IBTK: variants seen among roughly 807,000 people sequenced by gnomAD.
IBTK encodes BTK-binding protein.
A neutral mutation model predicts 154.9 loss-of-function variants in IBTK; 83 were observed. That is an observed-to-expected ratio of 0.54 (90% CI 0.45 to 0.64). The LOEUF is 0.64. Among genes scored for constraint, IBTK ranks in the 30% least tolerant of loss-of-function variants. The pLI, the probability that IBTK is intolerant of heterozygous loss-of-function variation, is 0.00. For synonymous variants in IBTK, 515 were observed against 536.1 expected (o/e 0.96, Z 0.54); for missense variants, 1,332 against 1,584.6 (o/e 0.84, Z 2.71).
intron 16 of IBTK, among the ~76,000 whole-genome samples, chr6:82,209,297 T>C (rs9344258): frequency 0.41 from 62,418 of 151,974 alleles, 13,517 homozygotes; most frequent in East Asian, 0.74. Context: ...TGATTCCTAA[T>C]AGACAAGAGG....
chr6:82,247,496 TCCC>T (rs1771201343), intron 1 of IBTK, 63 bp downstream of exon 1: 1 of 397,594 alleles, frequency 2.5e-6, no homozygotes, highest in Admixed American at 4.4e-5. Context: ...GCGAATACTC[TCCC>T]CCTGCCCCCG....
intron 26 of IBTK, among the ~76,000 whole-genome samples, chr6:82,176,871 G>A (rs1235831529): frequency 6.6e-6 from 1 of 152,004 alleles, no homozygotes; most frequent in Non-Finnish European, 1.5e-5. Flanking sequence ...GATTTCCTCT[G>A]TTTATACTGC....
At chr6:82,243,172 C>T (rs1771019092) in intron 1 of IBTK, among the ~76,000 whole-genome samples, 1 of 143,294 alleles carries the variant, frequency 7.0e-6, no homozygotes, top group East Asian at 2.1e-4. Flanking sequence ...ACCTGGGAGG[C>T]GGAGCTTGCA....
chr6:82,174,431 G>A (rs1379117063), intron 26 of IBTK, among the ~76,000 whole-genome samples: 3 of 152,128 alleles, frequency 2.0e-5, no homozygotes, highest in Non-Finnish European at 4.4e-5. Flanking sequence ...TGGCTTCACT[G>A]AGGAAATGAC....
At chr6:82,228,847 T>A (rs1339279723) in intron 4 of IBTK, among the ~76,000 whole-genome samples, 4 of 152,022 alleles carry the variant, frequency 2.6e-5, no homozygotes, top group African/African-American at 7.3e-5. Context: ...GGTCTCGATC[T>A]CCTGACCTCG....
intron 16 of IBTK, among the ~76,000 whole-genome samples, chr6:82,209,175 G>A (rs546171280): frequency 6.6e-6 from 1 of 152,272 alleles, no homozygotes; most frequent in South Asian, 2.1e-4. Context: ...CAGTTCGGCA[G>A]TTCCTAAAAA....
In IBTK at chr6:82,217,956, T is replaced by A. The variant is rs570296056; in HGVS notation, c.1426+4A>T. 2 of 1,580,954 alleles carry A rather than the reference T, an allele frequency of 1.3e-6. No individual in the cohort carries two copies. The highest frequency in any genetic ancestry group is 1.7e-6 in the Non-Finnish European group (2 of 1,164,092). On this transcript the variant is annotated splice_donor_region_variant and intron_variant, in intron 10 of 28. Transcript: ENST00000306270. ...TTTACGTATTGTTCAATATATGAACTGACCTTTCTTTTCAGAACTCTTTCT... is the reference window on the plus strand; with the variant it reads ...TTTACGTATTGTTCAATATATGAACAGACCTTTCTTTTCAGAACTCTTTCT...
At chr6:82,191,591 C>G in intron 24 of IBTK, 196 bp downstream of exon 24, 1 of 656,184 alleles carries the variant, frequency 1.5e-6, no homozygotes. Flanking sequence ...TCTACAAGAG[C>G]TGGATTATCA....
At position 82,214,092 on chromosome 6, in the gene IBTK, A is replaced by T. The variant is rs948110637; in HGVS notation, c.2204+135T>A. 6.7e-6 allele frequency: 5 copies of T among 746,880 alleles called. No individual in the cohort carries two copies. In the African/African-American group the frequency reaches 8.9e-5, roughly 13 times the overall value. The allele number at this position is 746,880 out of a possible 1,614,324, so 46.3% of individuals were successfully genotyped here. A position where few individuals can be genotyped will look rare whatever the true frequency, so the allele number is the denominator to read the frequency against. Reference sequence around the variant, plus strand: ...TGCCTCAGCCTCCTGAGTAGCTGGGACTACAGGCGCCCGCCACCACACCCG... The same window carrying T: ...TGCCTCAGCCTCCTGAGTAGCTGGGTCTACAGGCGCCCGCCACCACACCCG... On this transcript the variant is annotated intron_variant, in intron 12 of 28. Coordinates refer to ENST00000306270, the MANE Select transcript of IBTK (RefSeq NM_015525.4).
At chr6:82,182,565 A>G (rs985531288) in intron 25 of IBTK, among the ~76,000 whole-genome samples, 1 of 152,222 alleles carries the variant, frequency 6.6e-6, no homozygotes, top group Admixed American at 6.5e-5. Flanking sequence ...AGAAATAAAG[A>G]AGAGAGATAC....
chr6:82,215,050 T>A (rs9361902), intron 11 of IBTK, among the ~76,000 whole-genome samples: 2 of 151,848 alleles, frequency 1.3e-5, no homozygotes, highest in African/African-American at 4.8e-5. Context: ...TATTCTTCTC[T>A]CAAATTAAAA....
Position 82,240,448 on chromosome 6 carries a change from T to A in IBTK, c.39A>T (p.Arg13=). The A allele has an allele frequency of 6.2e-7, 1 of 1,613,966 alleles. No individual in the cohort carries two copies. Among genetic ancestry groups the A allele is most frequent in the Non-Finnish European group, 8.5e-7 (1 of 1,180,016 alleles). ...SPMPDCTSKC[R]SLKHALDVLS... ...GGACATCCAAAGCATGCTTCAGGGATCGACACTTTGATGTGCAGTCAGGCA... is the reference window on the plus strand; with the variant it reads ...GGACATCCAAAGCATGCTTCAGGGAACGACACTTTGATGTGCAGTCAGGCA... Residue 13 remains arginine (R), a synonymous_variant, in exon 2 of 29, where the codon CGA becomes CGT. Transcript: ENST00000306270.
In IBTK at chr6:82,203,259, A is replaced by G. The variant is rs1769279549; in HGVS notation, c.2612-614T>C. Among the ~76,000 whole-genome samples the G allele has an allele frequency of 2.0e-5, 3 of 152,134 alleles. No homozygotes were observed. The South Asian group carries it at 6.2e-4, about 31-fold the overall frequency. On this transcript the variant is annotated intron_variant, in intron 17 of 28. Coordinates refer to ENST00000306270, the MANE Select transcript of IBTK (RefSeq NM_015525.4). ...AGATTCTGGATTTAGTTACAATTGTAGTAACATTATATATAAAGTACCCAT... is the reference window on the plus strand; with the variant it reads ...AGATTCTGGATTTAGTTACAATTGTGGTAACATTATATATAAAGTACCCAT...
rs1270219296 is a variant in IBTK at position 82,238,154 on chromosome 6, G to C, written c.321+2012C>G. Among the ~76,000 whole-genome samples the C allele has an allele frequency of 2.6e-5, 4 of 152,120 alleles. No homozygotes were observed. In the East Asian group the frequency reaches 7.8e-4, roughly 30 times the overall value. On this transcript the variant is annotated intron_variant, in intron 2 of 28. Transcript: ENST00000306270. ...AGGTATCGGGAAGGCTGGGGCAGGA[G>C]AATCACTTGAACCTGGGAGGTGGAG...
At chr6:82,212,827 T>G (rs769254267) in intron 12 of IBTK, 34 bp from the exon 13 acceptor site, 1 of 1,174,034 alleles carries the variant, frequency 8.5e-7, no homozygotes, top group Non-Finnish European at 1.3e-6. Flanking sequence ...ACAATTGATA[T>G]TCCCCTACAA....
At chr6:82,227,644 A>G in intron 4 of IBTK, among the ~76,000 whole-genome samples, 1 of 152,096 alleles carries the variant, frequency 6.6e-6, no homozygotes, top group East Asian at 1.9e-4. Flanking sequence ...TGAAATATCA[A>G]ACAGTAAGAA....
chr6:82,208,799 AAAC>A (rs1285058535), intron 16 of IBTK, among the ~76,000 whole-genome samples: 3 of 152,212 alleles, frequency 2.0e-5, no homozygotes, highest in African/African-American at 7.2e-5. Flanking sequence ...AAGGAAGTGA[AAAC>A]AACTCAGAGA....
In IBTK at chr6:82,182,046, G is replaced by A; in HGVS notation, c.3576-18C>T. ...AAGATGCCCTGCAAAAGAAAGCAAA[G>A]ATCATGTTAAAACATCCATTTTGTA... On this transcript the variant is annotated intron_variant, in intron 25 of 28. Transcript: ENST00000306270. 6.3e-7 allele frequency: 1 copy of A among 1,584,244 alleles called. No homozygotes were observed. Among genetic ancestry groups the A allele is most frequent in the South Asian group, 1.2e-5 (1 of 84,142 alleles).
intron 5 of IBTK, 93 bp from the exon 6 acceptor site, chr6:82,225,740 A>G: frequency 1.1e-6 from 1 of 917,784 alleles, no homozygotes; most frequent in South Asian, 1.7e-5. Flanking sequence ...AATGACATGA[A>G]ATGACATGAC....
Sources: allele counts gnomAD v4.1 joint callset (sites outside exome capture counted in the v4.1 genomes callset), GRCh38; gene constraint gnomAD v4.1.1; transcripts MANE v1.5; gene names NCBI Gene and HGNC (gene_info 2026-07-23, HGNC 2026-07-21).